NTF3: variants seen among roughly 807,000 people sequenced by gnomAD.
The protein encoded by NTF3 is neurotrophin-3.
Under a neutral mutation model 26.3 loss-of-function variants are expected in NTF3, and 8 were observed. That is an observed-to-expected ratio of 0.30 (90% confidence interval 0.18 to 0.55). The LOEUF is 0.55. Among genes scored for constraint, NTF3 ranks in the 20% least tolerant of loss-of-function variants. The pLI is 0.93. For missense variants in NTF3, 276 were observed against 352.9 expected (o/e 0.78, Z 1.75); for synonymous variants, 154 against 145.5 (o/e 1.06, Z -0.42).
chr12:5,459,286 G>A (rs923175455), intron 1 of NTF3, among the ~76,000 whole-genome samples: 1 of 152,142 alleles, frequency 6.6e-6, no homozygotes, highest in East Asian at 1.9e-4. Context: ...AAAGTTTCTT[G>A]GAAACCCTAT....
chr12:5,449,734 A>G (rs1322589509), intron 1 of NTF3, among the ~76,000 whole-genome samples: 1 of 152,188 alleles, frequency 6.6e-6, no homozygotes, highest in Non-Finnish European at 1.5e-5. Flanking sequence ...GAGGTCCTCC[A>G]ACAGTAAGCT....
chr12:5,435,838 G>T (rs945119912), intron 1 of NTF3, among the ~76,000 whole-genome samples: 1 of 152,156 alleles, frequency 6.6e-6, no homozygotes, highest in Non-Finnish European at 1.5e-5. Flanking sequence ...ATGCATGCAG[G>T]TGCGTGCACA....
At position 5,494,674 on chromosome 12, in the gene NTF3, A is replaced by T. The variant is rs567400183; in HGVS notation, c.499A>T (p.Ser167Cys). The T allele has an allele frequency of 6.2e-7, 1 of 1,614,188 alleles. No homozygotes were observed. The highest frequency in any genetic ancestry group is 1.3e-5 in the African/African-American group (1 of 75,028). The change falls in exon 2 of 2, where the codon AGT (serine) becomes TGT (cysteine). Residue 167 changes from serine to cysteine, a missense_variant. By Grantham distance (112) the Ser-to-Cys change is moderately radical (BLOSUM62 -1). This residue lies in a region of NTF3 where 221 missense variants were observed against 258.2 expected (regional missense o/e 0.86). Coordinates refer to ENST00000423158, the MANE Select transcript of NTF3 (RefSeq NM_001102654.2). The surrounding 1 kb of genome is among the most constrained non-coding windows in gnomAD (Gnocchi z 8.3). ...CCGAGGGGAGTACTCGGTATGTGACAGTGAGAGTCTGTGGGTGACCGACAA... is the reference window on the plus strand; with the variant it reads ...CCGAGGGGAGTACTCGGTATGTGACTGTGAGAGTCTGTGGGTGACCGACAA... ...SHRGEYSVCD[S>C]ESLWVTDKSS...
At chr12:5,462,504 T>C (rs1940537295) in intron 1 of NTF3, among the ~76,000 whole-genome samples, 1 of 152,176 alleles carries the variant, frequency 6.6e-6, no homozygotes, top group African/African-American at 2.4e-5. Context: ...TGTGTGATGG[T>C]TCCTAGAATA....
intron 1 of NTF3, among the ~76,000 whole-genome samples, chr12:5,432,680 A>C (rs1591587492): frequency 6.6e-6 from 1 of 151,774 alleles, no homozygotes; most frequent in African/African-American, 2.4e-5. Flanking sequence ...CAATCTGGGA[A>C]AGTGATCAGG....
intron 1 of NTF3, among the ~76,000 whole-genome samples, chr12:5,436,033 A>C (rs1171518426): frequency 6.6e-6 from 1 of 152,220 alleles, no homozygotes; most frequent in Non-Finnish European, 1.5e-5. Context: ...AGGTGTACAC[A>C]AAAGAAGGGC....
At position 5,456,575 on chromosome 12, in the gene NTF3, G is replaced by A. The variant is rs752754143; in HGVS notation, c.18+24233G>A. ...AGAAAGGGTCTGCATTCTGTTTGCA[G>A]CCCTGATCGTGAGCTCTGGGGGTCC... On this transcript the variant is annotated intron_variant, in intron 1 of 1. Transcript: ENST00000423158. This position sits in a 1 kb window ranked among gnomAD's most constrained non-coding sequence, Gnocchi z 4.4. Among the ~76,000 whole-genome samples, 1 of 152,136 alleles carries A rather than the reference G, an allele frequency of 6.6e-6. No homozygotes were observed. The highest frequency in any genetic ancestry group is 1.5e-5 in the Non-Finnish European group (1 of 68,030).
At chr12:5,467,611 T>G (rs1184158302) in intron 1 of NTF3, among the ~76,000 whole-genome samples, 1 of 152,216 alleles carries the variant, frequency 6.6e-6, no homozygotes, top group Non-Finnish European at 1.5e-5. Flanking sequence ...TGTTATTTAA[T>G]TGGAGGCACA....
chr12:5,447,335 C>T (rs907149940), intron 1 of NTF3, among the ~76,000 whole-genome samples: 1 of 152,130 alleles, frequency 6.6e-6, no homozygotes, highest in East Asian at 1.9e-4. Context: ...AGTTTACTAT[C>T]GTATTAAGGA....
intron 1 of NTF3, among the ~76,000 whole-genome samples, chr12:5,471,788 G>T (rs1201439134): frequency 6.6e-6 from 1 of 151,994 alleles, no homozygotes; most frequent in Non-Finnish European, 1.5e-5. Context: ...GTCTCCCAGA[G>T]ACAGATCTCT....
chr12:5,444,729 GTTT>G (rs1324576133), intron 1 of NTF3, among the ~76,000 whole-genome samples: 1 of 152,120 alleles, frequency 6.6e-6, no homozygotes, highest in Non-Finnish European at 1.5e-5. Flanking sequence ...TTAAGCTTTT[GTTT>G]TTAAAAAGAT....
chr12:5,444,355 T>C (rs530642789), intron 1 of NTF3, among the ~76,000 whole-genome samples: 5 of 152,248 alleles, frequency 3.3e-5, no homozygotes, highest in African/African-American at 9.6e-5. Flanking sequence ...AAAAGGGAGA[T>C]TCTCCCCAAA....
chr12:5,467,181 A>T (rs1287037402), intron 1 of NTF3, among the ~76,000 whole-genome samples: 2 of 142,058 alleles, frequency 1.4e-5, no homozygotes. Flanking sequence ...ATGAGCCGAG[A>T]TCATGCCACT....
At chr12:5,431,182 C>G (rs1368620759), upstream of NTF3, among the ~76,000 whole-genome samples, 1 of 152,104 alleles carries the variant, frequency 6.6e-6, no homozygotes, top group Non-Finnish European at 1.5e-5. Context: ...ACTTTCGGGG[C>G]GCCACGAACA....
chr12:5,492,947 G>GA (rs1940957210), intron 1 of NTF3, among the ~76,000 whole-genome samples: 1 of 152,236 alleles, frequency 6.6e-6, no homozygotes, highest in Non-Finnish European at 1.5e-5. Flanking sequence ...TACCAAAGGT[G>GA]AACCAGGGGA....
intron 1 of NTF3, among the ~76,000 whole-genome samples, chr12:5,475,553 G>T (rs1591602886): frequency 6.6e-6 from 1 of 151,782 alleles, no homozygotes; most frequent in East Asian, 1.9e-4. Context: ...AATATGTCTG[G>T]GCCAGGCATG....
chr12:5,481,968 CAG>C (rs988603374), intron 1 of NTF3, among the ~76,000 whole-genome samples: 3 of 151,916 alleles, frequency 2.0e-5, no homozygotes, highest in African/African-American at 4.8e-5. Flanking sequence ...CACACACACA[CAG>C]AGAAACAGAC....
At chr12:5,449,079 G>A (rs911767559) in intron 1 of NTF3, among the ~76,000 whole-genome samples, 1 of 152,210 alleles carries the variant, frequency 6.6e-6, no homozygotes, top group Non-Finnish European at 1.5e-5. Flanking sequence ...CTAGGGCCAT[G>A]GAATGTAACA....
intron 1 of NTF3, among the ~76,000 whole-genome samples, chr12:5,446,549 C>A (rs897135931): frequency 6.6e-6 from 1 of 152,188 alleles, no homozygotes; most frequent in Non-Finnish European, 1.5e-5. Context: ...AATAGTAGTT[C>A]TCTTCCTTGC....
Sources: gnomAD v4.1 joint callset for allele counts (sites outside exome capture counted in the v4.1 genomes callset) on GRCh38, gnomAD v4.1.1 for gene constraint, gnomAD v4.1.1 regional missense constraint, Gnocchi (gnomAD v3.1) non-coding constraint, MANE v1.5 for transcripts, NCBI Gene and HGNC (gene_info 2026-07-23, HGNC 2026-07-21) for gene names.